Variants in ARHGAP25 observed in about 807,000 individuals in gnomAD.
ARHGAP25 encodes Rho GTPase activating protein 25.
ARHGAP25 carries 34 observed loss-of-function variants against 71.0 expected under a neutral mutation model. The ratio of observed to expected loss-of-function variants is 0.48; its 90% CI spans 0.36 to 0.64. The LOEUF is 0.64. Ranked by LOEUF, ARHGAP25 falls within the 30% of genes least tolerant of loss-of-function variation. ARHGAP25 has a pLI of 0.00. For missense variants in ARHGAP25, 706 were observed against 805.1 expected (o/e 0.88, Z 1.49); for synonymous variants, 282 against 296.5 (o/e 0.95, Z 0.50).
chr2:68,792,351 A>G (rs1464502548), intron 4 of ARHGAP25, among the ~76,000 whole-genome samples: 1 of 152,202 alleles, frequency 6.6e-6, no homozygotes, highest in East Asian at 1.9e-4. Context: ...TAGGGTACCC[A>G]TCATCCAGAT....
Position 68,770,138 on chromosome 2 carries a change from G to A in ARHGAP25, c.62-5083G>A, listed in dbSNP as rs148532387. The stretch of plus-strand genomic sequence containing the variant: ...AGAGAGACCAGCGGAGGTAAAGCAG[G>A]TTTGGGCATGTGTGTCAGTGTTAGC... On this transcript the variant is annotated intron_variant, in intron 1 of 10. Transcript: ENST00000409202. Among the ~76,000 whole-genome samples the A allele has an allele frequency of 2.8e-3, 420 of 152,276 alleles. 1 individual carries two copies. The highest frequency in any genetic ancestry group is 9.8e-3 in the African/African-American group (407 of 41,532).
At chr2:68,728,318 A>G (rs1390080861) in intron 2 of ARHGAP25, among the ~76,000 whole-genome samples, 1 of 152,232 alleles carries the variant, frequency 6.6e-6, no homozygotes, top group East Asian at 1.9e-4. Flanking sequence ...TAAAATAAAA[A>G]AAGACTGATG....
intron 2 of ARHGAP25, among the ~76,000 whole-genome samples, chr2:68,723,186 G>A (rs7603054): frequency 0.22 from 34,077 of 152,162 alleles, 4,200 homozygotes; most frequent in East Asian, 0.37. Context: ...GGATTGTCAG[G>A]GAATCCAGCA....
In ARHGAP25 at chr2:68,800,381, T is replaced by TCC. The variant is rs1357259877; in HGVS notation, c.467-6891_467-6890insCC. Among the ~76,000 whole-genome samples, 729 of 152,112 alleles carry TCC rather than the reference T, an allele frequency of 4.8e-3. 15 individuals carry two copies. Among genetic ancestry groups the TCC allele is most frequent in the Admixed American group, 0.035 (542 of 15,292 alleles). On this transcript the variant is annotated intron_variant, in intron 4 of 10. Transcript: ENST00000409202. ...CAGTTTCCTGGAGTTTTCCAGCAAA[T>TCC]CTAAGGAAGGGGTTGAGGGTTAAGG...
chr2:68,817,750 G>T, intron 7 of ARHGAP25, 123 bp from the exon 8 acceptor site: 1 of 1,212,878 alleles, frequency 8.2e-7, no homozygotes. Flanking sequence ...AGAGCAGGCT[G>T]GTCTCATTCC....
chr2:68,725,590 G>A (rs1674865256), intron 2 of ARHGAP25, among the ~76,000 whole-genome samples: 1 of 152,034 alleles, frequency 6.6e-6, no homozygotes, highest in Admixed American at 6.6e-5. Context: ...GCCTCCCAAA[G>A]TGCTGGGATT....
chr2:68,806,451 C>T (rs115522963), intron 4 of ARHGAP25, among the ~76,000 whole-genome samples: 378 of 152,258 alleles, frequency 2.5e-3, no homozygotes, highest in Non-Finnish European at 4.4e-3. Flanking sequence ...ATTTCAAGAC[C>T]GCAGTGGATG....
chr2:68,787,802 C>A, intron 3 of ARHGAP25, 38 bp from the exon 4 acceptor site: 1 of 1,545,182 alleles, frequency 6.5e-7, no homozygotes, highest in South Asian at 1.1e-5. Flanking sequence ...ATGTTCTTAT[C>A]ACTCTAAGAC....
In ARHGAP25 at chr2:68,826,426, T is replaced by C; in HGVS notation, c.*232T>C. 1.6e-6 allele frequency: 1 copy of C among 623,332 alleles called. No homozygotes were observed. Among genetic ancestry groups the C allele is most frequent in the Non-Finnish European group, 2.9e-6 (1 of 342,410 alleles). The allele number at this position is 623,332 out of a possible 1,614,324, so 38.6% of individuals were successfully genotyped here. A position where few individuals can be genotyped will look rare whatever the true frequency, so the allele number is the denominator to read the frequency against. ...ATCGCTGTATTCAAATGGATTGTTT[T>C]ATTCCATTCTGGTCTCAGGCATGAC... On this transcript the variant is annotated 3_prime_UTR_variant, in exon 11 of 11. Coordinates refer to ENST00000409202, the MANE Select transcript of ARHGAP25 (RefSeq NM_001007231.3).
chr2:68,822,235 A>G lies in ARHGAP25; in HGVS notation c.1201-105A>G, dbSNP rs1681739411. On this transcript the variant is annotated intron_variant, in intron 9 of 10. Transcript: ENST00000409202. ...GTGATACATTAAGAATTTCATAGGT[A>G]TGCTACCAGGAAACTTTTGTTTTGG... The G allele has an allele frequency of 7.3e-6, 8 of 1,091,846 alleles. No individual in the cohort carries two copies. In the South Asian group the frequency reaches 1.1e-4, roughly 15 times the overall value. The allele number at this position is 1,091,846 out of a possible 1,614,324, so 67.6% of individuals were successfully genotyped here.
chr2:68,751,000 T>C (rs1222934568), intron 1 of ARHGAP25, among the ~76,000 whole-genome samples: 1 of 152,260 alleles, frequency 6.6e-6, no homozygotes, highest in African/African-American at 2.4e-5. Context: ...CAAGTCCAGC[T>C]GACATTTATT....
In ARHGAP25 at chr2:68,787,858, G is replaced by T; in HGVS notation, c.368G>T (p.Arg123Leu). 1 of 1,614,072 alleles carries T rather than the reference G, an allele frequency of 6.2e-7. No individual in the cohort carries two copies. Among genetic ancestry groups the T allele is most frequent in the Non-Finnish European group, 8.5e-7 (1 of 1,179,972 alleles). Residue 123 changes from arginine to leucine, a missense_variant, in exon 4 of 11, where the codon CGC becomes CTC. Coordinates refer to ENST00000409202, the MANE Select transcript of ARHGAP25 (RefSeq NM_001007231.3). ...CCTCCAGCCTCATGGGACCAGAATC[G>T]CATGGGACAGGACTCCTATGTCCTC... ...EIIPASWDQN[R>L]MGQDSYVLMA...
At chr2:68,757,465 C>T (rs140076497) in intron 1 of ARHGAP25, among the ~76,000 whole-genome samples, 58 of 152,212 alleles carry the variant, frequency 3.8e-4, no homozygotes, top group African/African-American at 7.2e-4. Flanking sequence ...GCAAATTTAT[C>T]GTCAGAAACT....
At chr2:68,794,363 A>G (rs1679393072) in intron 4 of ARHGAP25, among the ~76,000 whole-genome samples, 1 of 152,062 alleles carries the variant, frequency 6.6e-6, no homozygotes, top group Admixed American at 6.5e-5. Flanking sequence ...TAGAGGGAAT[A>G]CTTTTGACTT....
chr2:68,733,075 C>T (rs1260871554), upstream of ARHGAP25, among the ~76,000 whole-genome samples: 2 of 152,134 alleles, frequency 1.3e-5, no homozygotes, highest in African/African-American at 4.8e-5. Flanking sequence ...AGAGTCCAGT[C>T]GAGTCTTGGT....
chr2:68,792,839 A>G (rs1321881474), intron 4 of ARHGAP25, among the ~76,000 whole-genome samples: 1 of 152,204 alleles, frequency 6.6e-6, no homozygotes, highest in Non-Finnish European at 1.5e-5. Flanking sequence ...TAGTTTTCTG[A>G]GAAATCTCCA....
intron 1 of ARHGAP25, among the ~76,000 whole-genome samples, chr2:68,745,694 A>G (rs756102518): frequency 1.3e-5 from 2 of 152,244 alleles, no homozygotes; most frequent in Non-Finnish European, 2.9e-5. Flanking sequence ...TACTACGTCT[A>G]CTGTCTTAAG....
upstream of ARHGAP25, among the ~76,000 whole-genome samples, chr2:68,732,578 G>A (rs1675049904): frequency 6.6e-6 from 1 of 152,244 alleles, no homozygotes; most frequent in Admixed American, 6.5e-5. Context: ...TCCCTGGGGA[G>A]GCTGGAGGGT....
At chr2:68,817,597 C>T (rs1200269329) in intron 7 of ARHGAP25, among the ~76,000 whole-genome samples, 1 of 152,160 alleles carries the variant, frequency 6.6e-6, no homozygotes, top group African/African-American at 2.4e-5. Context: ...CCAGTCTGAG[C>T]TCCTGGAAGT....
Sources: gnomAD v4.1 joint callset for allele counts (sites outside exome capture counted in the v4.1 genomes callset) on GRCh38, gnomAD v4.1.1 for gene constraint, MANE v1.5 for transcripts, NCBI Gene and HGNC (gene_info 2026-07-23, HGNC 2026-07-21) for gene names.